PLCB4: variants seen among roughly 807,000 people sequenced by gnomAD.
PLCB4 encodes the protein phospholipase C beta 4.
Under a neutral mutation model 178.8 loss-of-function variants are expected in PLCB4, and 77 were observed. The observed-to-expected ratio is 0.43, with a 90% CI of 0.36 to 0.52. The LOEUF (loss-of-function observed/expected upper bound fraction) is 0.52. PLCB4 is among the 20% of genes least tolerant of loss of function. The pLI is 0.00. For synonymous variants in PLCB4, 496 were observed against 490.8 expected (o/e 1.01, Z -0.14); for missense variants, 1,024 against 1,453.4 (o/e 0.70, Z 4.80).
chr20:9,415,837 C>T (rs892022907), intron 25 of PLCB4, among the ~76,000 whole-genome samples: 2 of 152,224 alleles, frequency 1.3e-5, no homozygotes, highest in Non-Finnish European at 2.9e-5. Flanking sequence ...ACAATTAGCA[C>T]ATCCACATAG....
At chr20:9,313,721 C>A (rs2094864425) in intron 4 of PLCB4, among the ~76,000 whole-genome samples, 1 of 152,136 alleles carries the variant, frequency 6.6e-6, no homozygotes, top group Non-Finnish European at 1.5e-5. Context: ...CTTTATTATG[C>A]ACTGCAGTAA....
At chr20:9,220,357 C>G (rs2093783011) in intron 3 of PLCB4, among the ~76,000 whole-genome samples, 1 of 152,156 alleles carries the variant, frequency 6.6e-6, no homozygotes. Context: ...TCATTATAGA[C>G]CGGGCACGGT....
At chr20:9,371,417 A>T in intron 10 of PLCB4, 122 bp downstream of exon 10, 1 of 494,382 alleles carries the variant, frequency 2.0e-6, no homozygotes, top group East Asian at 3.2e-5. Flanking sequence ...TATGTCAGTG[A>T]CATATAGTAC....
At chr20:9,136,501 G>A (rs1005828169) in intron 2 of PLCB4, among the ~76,000 whole-genome samples, 6 of 152,070 alleles carry the variant, frequency 3.9e-5, no homozygotes, top group African/African-American at 9.7e-5. Context: ...CTGCTTGGGG[G>A]CTTTTCCTGG....
intron 1 of PLCB4, among the ~76,000 whole-genome samples, chr20:9,093,620 G>A (rs190695355): frequency 1.8e-5 from 2 of 112,592 alleles, no homozygotes; most frequent in African/African-American, 6.9e-5. Flanking sequence ...TTAGATCTCG[G>A]TGTGTTTTCT....
intron 2 of PLCB4, among the ~76,000 whole-genome samples, chr20:9,157,317 A>C (rs1194124569): frequency 6.6e-6 from 1 of 152,182 alleles, no homozygotes; most frequent in African/African-American, 2.4e-5. Flanking sequence ...CTATAATTTA[A>C]ACAAAAAGTC....
intron 7 of PLCB4, among the ~76,000 whole-genome samples, chr20:9,360,958 A>G (rs1327161068): frequency 6.6e-6 from 1 of 152,188 alleles, no homozygotes; most frequent in Non-Finnish European, 1.5e-5. Context: ...ACTACTTAAA[A>G]AAAGAAACAA....
intron 7 of PLCB4, among the ~76,000 whole-genome samples, chr20:9,361,997 A>T (rs1053983144): frequency 2.6e-5 from 4 of 152,200 alleles, no homozygotes; most frequent in African/African-American, 9.7e-5. Flanking sequence ...ATTACTATCT[A>T]TTCCAAGATA....
intron 2 of PLCB4, among the ~76,000 whole-genome samples, chr20:9,148,493 A>G (rs953283257): frequency 6.6e-6 from 1 of 152,132 alleles, no homozygotes; most frequent in Non-Finnish European, 1.5e-5. Context: ...CCTTGGTAAT[A>G]GAGTTTCGTT....
At chr20:9,186,419 T>C (rs1292551740) in intron 2 of PLCB4, among the ~76,000 whole-genome samples, 1 of 152,232 alleles carries the variant, frequency 6.6e-6, no homozygotes, top group African/African-American at 2.4e-5. Flanking sequence ...GGCACGAGGC[T>C]CTTTTCAGGA....
At chr20:9,218,943 C>G (rs2147279483) in intron 3 of PLCB4, among the ~76,000 whole-genome samples, 1 of 152,274 alleles carries the variant, frequency 6.6e-6, no homozygotes, top group African/African-American at 2.4e-5. Flanking sequence ...TCACATTAAT[C>G]TGGACTATCC....
At chr20:9,465,734 G>T (rs2043732103) in intron 35 of PLCB4, among the ~76,000 whole-genome samples, 1 of 152,198 alleles carries the variant, frequency 6.6e-6, no homozygotes. Flanking sequence ...CAAGAGATGT[G>T]AGGGACCTCT....
At chr20:9,124,606 C>A (rs1398425942) in intron 2 of PLCB4, among the ~76,000 whole-genome samples, 1 of 152,094 alleles carries the variant, frequency 6.6e-6, no homozygotes, top group Non-Finnish European at 1.5e-5. Context: ...TAACACTTTA[C>A]AGACTGTGAA....
At chr20:9,196,480 T>C (rs973366229) in intron 2 of PLCB4, among the ~76,000 whole-genome samples, 1 of 152,180 alleles carries the variant, frequency 6.6e-6, no homozygotes, top group Non-Finnish European at 1.5e-5. Flanking sequence ...GACAGATGGT[T>C]GTTGCTTCCT....
intron 25 of PLCB4, among the ~76,000 whole-genome samples, chr20:9,413,814 G>T (rs1602501592): frequency 6.6e-6 from 1 of 152,156 alleles, no homozygotes; most frequent in South Asian, 2.1e-4. Flanking sequence ...AGGCTCAAGT[G>T]CAGTGGTGCA....
chr20:9,070,380 G>A (rs2089506145), intron 1 of PLCB4, among the ~76,000 whole-genome samples: 1 of 152,172 alleles, frequency 6.6e-6, no homozygotes, highest in Non-Finnish European at 1.5e-5. Flanking sequence ...TTTCAGAAAT[G>A]TGTGGTTGAA....
intron 7 of PLCB4, among the ~76,000 whole-genome samples, chr20:9,359,108 C>T (rs113417869): frequency 1.6e-4 from 24 of 152,042 alleles, no homozygotes; most frequent in African/African-American, 5.6e-4. Context: ...AAAATATATG[C>T]TCAGTGTAAG....
intron 12 of PLCB4, among the ~76,000 whole-genome samples, chr20:9,376,069 G>A (rs1440383355): frequency 6.6e-6 from 1 of 151,968 alleles, no homozygotes; most frequent in East Asian, 1.9e-4. Context: ...ACCCTGTAGG[G>A]TGACCTCCTC....
chr20:9,143,006 G>T (rs901143459), intron 2 of PLCB4, among the ~76,000 whole-genome samples: 9 of 152,146 alleles, frequency 5.9e-5, no homozygotes, highest in Non-Finnish European at 1.0e-4. Context: ...GGGCATGGCT[G>T]CCCCAGGGCC....
Sources: gnomAD v4.1 joint callset for allele counts (sites outside exome capture counted in the v4.1 genomes callset) on GRCh38, gnomAD v4.1.1 for gene constraint, MANE v1.5 for transcripts, NCBI Gene and HGNC (gene_info 2026-07-23, HGNC 2026-07-21) for gene names.